Variants in SLC20A2 observed in about 807,000 individuals in gnomAD.
The protein encoded by SLC20A2 is solute carrier family 20 member 2.
Under a neutral mutation model 61.0 loss-of-function variants are expected in SLC20A2, and 30 were observed. The ratio of observed to expected loss-of-function variants is 0.49; its 90% CI spans 0.37 to 0.67. SLC20A2 has a LOEUF of 0.67. Among genes scored for constraint, SLC20A2 ranks in the 30% least tolerant of loss-of-function variants. SLC20A2 has a pLI of 0.00. For missense variants in SLC20A2, 626 were observed against 866.4 expected, an observed-to-expected ratio of 0.72 and a Z score of 3.48; for synonymous variants, 351 against 353.3, an observed-to-expected ratio of 0.99 and a Z score of 0.07.
intron 1 of SLC20A2, among the ~76,000 whole-genome samples, chr8:42,492,138 C>T (rs577779779): frequency 3.7e-4 from 56 of 152,234 alleles, no homozygotes; most frequent in African/African-American, 1.3e-3. Context: ...GGGTGGATCA[C>T]GAGGTCAGGA....
chr8:42,535,947 G>T (rs961413910), intron 1 of SLC20A2, among the ~76,000 whole-genome samples: 2 of 151,892 alleles, frequency 1.3e-5, no homozygotes, highest in Admixed American at 1.3e-4. Flanking sequence ...TCATAACATG[G>T]GACTGGTAGA....
chr8:42,418,721 G>A (rs968438853), intron 10 of SLC20A2, among the ~76,000 whole-genome samples: 3 of 151,620 alleles, frequency 2.0e-5, no homozygotes, highest in East Asian at 2.0e-4. Context: ...ATTCCCGGCC[G>A]TGCGCGGTGG....
At chr8:42,493,121 A>C (rs1809650088) in intron 1 of SLC20A2, among the ~76,000 whole-genome samples, 1 of 152,250 alleles carries the variant, frequency 6.6e-6, no homozygotes, top group African/African-American at 2.4e-5. Flanking sequence ...GACTCTCTCA[A>C]TGACCATCAA....
chr8:42,468,783 TG>T (rs1807387444), intron 2 of SLC20A2, among the ~76,000 whole-genome samples: 1 of 152,004 alleles, frequency 6.6e-6, no homozygotes, highest in African/African-American at 2.4e-5. Context: ...CAGAGGGAGC[TG>T]GAAGGGGGCT....
chr8:42,488,750 T>C (rs899952565), intron 1 of SLC20A2, among the ~76,000 whole-genome samples: 3 of 152,138 alleles, frequency 2.0e-5, no homozygotes, highest in Non-Finnish European at 2.9e-5. Flanking sequence ...GCCATCCTAA[T>C]GGGTGGAGGT....
At chr8:42,502,908 CA>C (rs1563530598), upstream of SLC20A2, among the ~76,000 whole-genome samples, 1 of 152,182 alleles carries the variant, frequency 6.6e-6, no homozygotes, top group Admixed American at 6.5e-5. Flanking sequence ...TAGTTCAGGA[CA>C]AAAGTCTCTA....
At chr8:42,513,935 G>A (rs1009216958) in intron 1 of SLC20A2, among the ~76,000 whole-genome samples, 2 of 152,160 alleles carry the variant, frequency 1.3e-5, no homozygotes, top group Non-Finnish European at 2.9e-5. Flanking sequence ...CATGTTCTGG[G>A]AATAGCAGAA....
chr8:42,420,760 A>T (rs1019377153), intron 10 of SLC20A2, among the ~76,000 whole-genome samples: 3 of 152,224 alleles, frequency 2.0e-5, no homozygotes, highest in Admixed American at 6.5e-5. Flanking sequence ...ATTTAGAGGC[A>T]TTAAGTACAA....
intron 5 of SLC20A2, among the ~76,000 whole-genome samples, chr8:42,451,723 A>G (rs1229831775): frequency 8.5e-6 from 1 of 118,022 alleles, no homozygotes; most frequent in African/African-American, 3.3e-5. Context: ...GGAGGAAGAG[A>G]TGAAAGAGGA....
chr8:42,539,176 T>C (rs2131464567), intron 1 of SLC20A2, among the ~76,000 whole-genome samples: 1 of 152,350 alleles, frequency 6.6e-6, no homozygotes, highest in African/African-American at 2.4e-5. Context: ...CTTAATCTTT[T>C]CCTCTTCCCA....
chr8:42,537,637 T>A (rs1812793183), intron 1 of SLC20A2: 1 of 152,210 alleles, frequency 6.6e-6, no homozygotes, highest in African/African-American at 2.4e-5. Flanking sequence ...TCAGTATCTA[T>A]AAAAAATCAT....
At position 42,440,925 on chromosome 8, in the gene SLC20A2, C is replaced by T. The variant is rs376522508; in HGVS notation, c.731-1272G>A. On this transcript the variant is annotated intron_variant, in intron 6 of 10. Coordinates refer to ENST00000520262, the MANE Select transcript of SLC20A2 (RefSeq NM_001257180.2). Reference sequence around the variant, plus strand: ...AAGCGATTCTCCTGCCTCAGCCTCCCGAGTAGCTGGGACTACAGGTGCGTG... The same window carrying T: ...AAGCGATTCTCCTGCCTCAGCCTCCTGAGTAGCTGGGACTACAGGTGCGTG... 1.6e-3 allele frequency among the ~76,000 whole-genome samples: 246 copies of T among 151,712 alleles called. 2 individuals are homozygous for T. The highest frequency in any genetic ancestry group is 5.0e-3 in the African/African-American group (205 of 41,384).
intron 2 of SLC20A2, among the ~76,000 whole-genome samples, chr8:42,467,291 A>G (rs533302962): frequency 3.9e-5 from 6 of 152,248 alleles, no homozygotes; most frequent in African/African-American, 1.2e-4. Context: ...TTTTACCTCA[A>G]TTTCACCAAC....
At chr8:42,467,601 G>A (rs1295577707) in intron 2 of SLC20A2, among the ~76,000 whole-genome samples, 1 of 152,212 alleles carries the variant, frequency 6.6e-6, no homozygotes, top group East Asian at 1.9e-4. Flanking sequence ...ATTTATGGCT[G>A]TGCAGGACCC....
intron 1 of SLC20A2, among the ~76,000 whole-genome samples, chr8:42,517,774 T>C (rs575578167): frequency 6.6e-6 from 1 of 152,270 alleles, no homozygotes; most frequent in African/African-American, 2.4e-5. Context: ...TAACTGGAAG[T>C]CAACTGACAC....
At chr8:42,451,678 T>A (rs1336194081) in intron 5 of SLC20A2, among the ~76,000 whole-genome samples, 7 of 64,280 alleles carry the variant, frequency 1.1e-4, no homozygotes, top group Admixed American at 4.7e-4. Flanking sequence ...GAGGAAGAGA[T>A]GAAGAGGAGG....
chr8:42,418,080 C>A, intron 10 of SLC20A2, 113 bp from the exon 11 acceptor site: 1 of 773,146 alleles, frequency 1.3e-6, no homozygotes, highest in Non-Finnish European at 2.0e-6. Flanking sequence ...ACCCAGTCCC[C>A]TACATTTGTT....
At chr8:42,455,619 G>C (rs954969735) in intron 5 of SLC20A2, among the ~76,000 whole-genome samples, 1 of 151,572 alleles carries the variant, frequency 6.6e-6, no homozygotes. Flanking sequence ...GAGATTGCTG[G>C]AGCCTAGGTG....
At chr8:42,502,753 G>T (rs892720268), upstream of SLC20A2, 1 of 152,248 alleles carries the variant, frequency 6.6e-6, no homozygotes, top group South Asian at 2.1e-4. Context: ...TGAAAGGAGA[G>T]AAGTCAGCAC....
Sources: allele counts gnomAD v4.1 joint callset (sites outside exome capture counted in the v4.1 genomes callset), GRCh38; gene constraint gnomAD v4.1.1; transcripts MANE v1.5; gene names NCBI Gene and HGNC (gene_info 2026-07-23, HGNC 2026-07-21).